DDHD1: variants seen among roughly 807,000 people sequenced by gnomAD.
The protein encoded by DDHD1 is DDHD domain containing 1.
A neutral mutation model predicts 96.4 loss-of-function variants in DDHD1; 49 were observed. The observed-to-expected ratio is 0.51, with a 90% CI of 0.40 to 0.64. The LOEUF (loss-of-function observed/expected upper bound fraction) is 0.64. DDHD1 is among the 30% of genes least tolerant of loss of function. The probability of loss-of-function intolerance (pLI) is 0.00; values close to 1 mark genes in which losing one functional copy is unlikely to be tolerated. For synonymous variants in DDHD1, 442 were observed against 446.5 expected (o/e 0.99, Z 0.13); for missense variants, 1,106 against 1,161.2 (o/e 0.95, Z 0.69).
rs780575767 is a variant in DDHD1, at chr14:53,063,197, T to C, written c.1512A>G (p.Lys504=). The change falls in exon 7 of 13, where the codon AAA becomes AAG. Residue 504 remains lysine, a synonymous_variant. Coordinates refer to ENST00000673822, the MANE Select transcript of DDHD1 (RefSeq NM_001160148.2). ...ATCGATTCAGCTCTTGCTGAAGGCC[T>C]TTAACTAGCTGTTTGAAATAAGAAA... The part of the protein sequence containing the change: ...TSPLYRDELV[K]GLQQELNRLY... The C allele has an allele frequency of 7.4e-6, 12 of 1,612,756 alleles. No individual in the cohort carries two copies. The highest frequency in any genetic ancestry group is 1.3e-5 in the African/African-American group (1 of 74,860).
In DDHD1 at chr14:53,134,438, C is replaced by T. The variant is rs149311967; in HGVS notation, c.838+17823G>A. ...TTATACTCACTCTTATTTTCATTCT[C>T]GTCTTATGCCACCCTCTACCTCTCC... On this transcript the variant is annotated intron_variant, in intron 1 of 12. Coordinates refer to ENST00000673822, the MANE Select transcript of DDHD1 (RefSeq NM_001160148.2). 1.1e-3 allele frequency among the ~76,000 whole-genome samples: 164 copies of T among 152,116 alleles called. 3 individuals carry two copies. Among genetic ancestry groups the T allele is most frequent in the African/African-American group, 3.4e-3 (139 of 41,486 alleles).
chr14:53,051,998 G>C, intron 11 of DDHD1, 71 bp from the exon 12 acceptor site: 2 of 1,108,724 alleles, frequency 1.8e-6, no homozygotes, highest in Non-Finnish European at 2.7e-6. Context: ...ATGATGTAGT[G>C]GCCAAAAGTT....
rs1881497472 is a variant in DDHD1 at position 53,039,555 on chromosome 14, G to A, written c.*7213C>T. 6.6e-6 allele frequency: 1 copy of A among 152,350 alleles called. No individual in the cohort carries two copies. The highest frequency in any genetic ancestry group is 2.1e-4 in the South Asian group (1 of 4,836). The allele number at this position is 152,350 out of a possible 1,614,324, so 9.4% of individuals were successfully genotyped here. ...TAACAAGGAGCAGGAAAGGATTCAAGACATGGAATTGGCTAGGAGAGGATC... is the reference window on the plus strand; with the variant it reads ...TAACAAGGAGCAGGAAAGGATTCAAAACATGGAATTGGCTAGGAGAGGATC... On this transcript the variant is annotated 3_prime_UTR_variant, in exon 13 of 13. Coordinates refer to ENST00000673822, the MANE Select transcript of DDHD1 (RefSeq NM_001160148.2).
rs142677823 is a variant in DDHD1 at position 53,137,349 on chromosome 14, T to A, written c.838+14912A>T. Among the ~76,000 whole-genome samples, 389 of 152,296 alleles carry A rather than the reference T, an allele frequency of 2.6e-3. 2 individuals carry two copies. The highest frequency in any genetic ancestry group is 8.0e-3 in the African/African-American group (331 of 41,556). On this transcript the variant is annotated intron_variant, in intron 1 of 12. Coordinates refer to ENST00000673822, the MANE Select transcript of DDHD1 (RefSeq NM_001160148.2). Reference sequence around the variant, plus strand: ...GCTCACGCCTGAAATCCCAACACTCTGGGAGGCTGAGGCAGGTGGATCACT... The same window carrying A: ...GCTCACGCCTGAAATCCCAACACTCAGGGAGGCTGAGGCAGGTGGATCACT...
intron 2 of DDHD1, among the ~76,000 whole-genome samples, chr14:53,102,295 T>C (rs1019657897): frequency 6.6e-6 from 1 of 152,070 alleles, no homozygotes; most frequent in Non-Finnish European, 1.5e-5. Context: ...ATTTTTACTA[T>C]AAGGAGAACA....
intron 1 of DDHD1, among the ~76,000 whole-genome samples, chr14:53,149,419 T>C (rs1302764130): frequency 6.6e-6 from 1 of 152,118 alleles, no homozygotes; most frequent in Non-Finnish European, 1.5e-5. Context: ...GGGGGCAAGG[T>C]CAAAAGCTGC....
At position 53,043,392 on chromosome 14, in the gene DDHD1, A is replaced by AGTGTGTGTGTGTGTGT. The variant is rs59747041; in HGVS notation, c.*3360_*3375dup. The AGTGTGTGTGTGTGTGT allele has an allele frequency of 3.9e-4, 44 of 112,530 alleles. No individual in the cohort carries two copies. The highest frequency in any genetic ancestry group is 1.2e-3 in the African/African-American group (42 of 36,328). The allele number at this position is 112,530 out of a possible 1,614,324, so 7.0% of individuals were successfully genotyped here. ...CAAAAGAGCAGTTATTAGAACATCC[A>AGTGTGTGTGTGTGTGT]GTGTGTGTGTGTGTGTGTGTGTGTG... On this transcript the variant is annotated 3_prime_UTR_variant, in exon 13 of 13. Coordinates refer to ENST00000673822, the MANE Select transcript of DDHD1 (RefSeq NM_001160148.2).
intron 4 of DDHD1, among the ~76,000 whole-genome samples, chr14:53,091,080 A>G (rs1341716233): frequency 2.6e-5 from 4 of 152,132 alleles, no homozygotes; most frequent in African/African-American, 4.8e-5. Flanking sequence ...CTTGTCAACA[A>G]CAGACTTGTT....
Position 53,039,090 on chromosome 14 carries a change from G to C in DDHD1, c.*7678C>G, listed in dbSNP as rs1394240849. ...TGAACTCTTTTGGATCCAAGAGACA[G>C]AGACCCACCTCAGAATAGTGTAAGC... On this transcript the variant is annotated 3_prime_UTR_variant, in exon 13 of 13. Coordinates refer to ENST00000673822, the MANE Select transcript of DDHD1 (RefSeq NM_001160148.2). 1 of 152,206 alleles carries C rather than the reference G, an allele frequency of 6.6e-6. No individual in the cohort carries two copies. Among genetic ancestry groups the C allele is most frequent in the Non-Finnish European group, 1.5e-5 (1 of 68,040 alleles). The allele number at this position is 152,206 out of a possible 1,614,324, so 9.4% of individuals were successfully genotyped here. A position where few individuals can be genotyped will look rare whatever the true frequency, so the allele number is the denominator to read the frequency against.
At chr14:53,076,255 T>C (rs2139929145) in intron 4 of DDHD1, among the ~76,000 whole-genome samples, 1 of 152,200 alleles carries the variant, frequency 6.6e-6, no homozygotes, top group African/African-American at 2.4e-5. Flanking sequence ...GGGGTGAAAA[T>C]ATCAACATTC....
At chr14:53,130,933 T>G (rs1889819476) in intron 1 of DDHD1, among the ~76,000 whole-genome samples, 1 of 152,200 alleles carries the variant, frequency 6.6e-6, no homozygotes, top group Admixed American at 6.5e-5. Context: ...ACTCTTACAG[T>G]GGAGGGTAAG....
In DDHD1 at chr14:53,152,605, G is replaced by A. The variant is rs1371273121; in HGVS notation, c.494C>T (p.Pro165Leu). 3 of 1,613,744 alleles carry A rather than the reference G, an allele frequency of 1.9e-6. No individual in the cohort carries two copies. The highest frequency in any genetic ancestry group is 2.2e-5 in the East Asian group (1 of 44,848). Reference protein sequence around the residue: ...HRYEVVTELGPEEVRWFYKED... With the variant: ...HRYEVVTELGLEEVRWFYKED... The stretch of plus-strand genomic sequence containing the variant: ...CTTGTAGAACCAGCGTACCTCCTCC[G>A]GGCCCAGCTCCGTCACTACCTCATA... Residue 165 changes from proline to leucine, a missense_variant, in exon 1 of 13, where the codon CCG becomes CTG. This residue lies in a region of DDHD1 where 456 missense variants were observed against 402.4 expected (regional missense o/e 1.13). Coordinates refer to ENST00000673822, the MANE Select transcript of DDHD1 (RefSeq NM_001160148.2).
intron 2 of DDHD1, among the ~76,000 whole-genome samples, chr14:53,100,383 C>T (rs1237716466): frequency 1.3e-5 from 2 of 151,966 alleles, no homozygotes; most frequent in Non-Finnish European, 2.9e-5. Context: ...GTGGGAGGGT[C>T]CTGGAGCCCG....
At chr14:53,051,993 G>A (rs1882627365) in intron 11 of DDHD1, 66 bp from the exon 12 acceptor site, 1 of 1,172,254 alleles carries the variant, frequency 8.5e-7, no homozygotes, top group Admixed American at 2.0e-5. Context: ...CTTCAATGAT[G>A]TAGTGGCCAA....
intron 4 of DDHD1, among the ~76,000 whole-genome samples, chr14:53,085,207 C>G (rs892157705): frequency 6.6e-6 from 1 of 152,204 alleles, no homozygotes; most frequent in African/African-American, 2.4e-5. Flanking sequence ...CATAGCTGAA[C>G]AAAAGGCAGC....
chr14:53,076,284 G>A (rs183766908), intron 4 of DDHD1, among the ~76,000 whole-genome samples: 35 of 152,226 alleles, frequency 2.3e-4, no homozygotes, highest in African/African-American at 7.7e-4. Context: ...TGGAAGAAAT[G>A]GATTCCAACC....
At chr14:53,111,877 A>G (rs192197556) in intron 1 of DDHD1, among the ~76,000 whole-genome samples, 5 of 152,310 alleles carry the variant, frequency 3.3e-5, no homozygotes, top group African/African-American at 1.2e-4. Flanking sequence ...CTAACTGTCC[A>G]ATTGAAAGCA....
intron 1 of DDHD1, among the ~76,000 whole-genome samples, chr14:53,107,621 T>C (rs1372748564): frequency 6.6e-6 from 1 of 152,186 alleles, no homozygotes; most frequent in African/African-American, 2.4e-5. Flanking sequence ...TGAAACCTCA[T>C]CTTTACTAAA....
chr14:53,083,945 C>T (rs573398106), intron 4 of DDHD1, among the ~76,000 whole-genome samples: 66 of 152,174 alleles, frequency 4.3e-4, no homozygotes, highest in Non-Finnish European at 7.4e-4. Flanking sequence ...ATTCATTCAT[C>T]CTGCTTCCAA....
Sources: allele counts gnomAD v4.1 joint callset (sites outside exome capture counted in the v4.1 genomes callset), GRCh38; gene constraint gnomAD v4.1.1; regional missense constraint gnomAD v4.1.1; transcripts MANE v1.5; gene names NCBI Gene and HGNC (gene_info 2026-07-23, HGNC 2026-07-21).